The following PTK2 variants were observed in gnomAD, a reference collection of about 807,000 sequenced individuals.
PTK2 encodes focal adhesion kinase 1.
A neutral mutation model predicts 150.1 loss-of-function variants in PTK2; 45 were observed. The observed-to-expected ratio is 0.30, with a 90% CI of 0.24 to 0.38. PTK2 has a LOEUF of 0.38. Ranked by LOEUF, PTK2 falls within the 10% of genes least tolerant of loss-of-function variation. The probability of loss-of-function intolerance (pLI) is 1.00; values close to 1 mark genes in which losing one functional copy is unlikely to be tolerated. For missense variants in PTK2, 919 were observed against 1,307.3 expected, an observed-to-expected ratio of 0.70 and a Z score of 4.58; for synonymous variants, 432 against 449.2, an observed-to-expected ratio of 0.96 and a Z score of 0.48.
At chr8:140,810,007 G>T (rs114389741) in intron 10 of PTK2, among the ~76,000 whole-genome samples, 3 of 152,176 alleles carry the variant, frequency 2.0e-5, no homozygotes, top group Non-Finnish European at 2.9e-5. Context: ...ACAGAAGCTG[G>T]GCTGAAGGGG....
intron 14 of PTK2, among the ~76,000 whole-genome samples, chr8:140,784,743 T>C (rs1442629428): frequency 6.6e-6 from 1 of 152,220 alleles, no homozygotes; most frequent in Non-Finnish European, 1.5e-5. Context: ...AAAAGACTTC[T>C]ACAGGTTCTC....
chr8:140,906,710 A>C (rs959200419), intron 2 of PTK2, among the ~76,000 whole-genome samples: 10 of 152,162 alleles, frequency 6.6e-5, no homozygotes, highest in Admixed American at 6.5e-4. Flanking sequence ...GGGTACAAAA[A>C]TATAGTTAGA....
At chr8:140,730,359 C>T (rs1405407676) in intron 22 of PTK2, among the ~76,000 whole-genome samples, 1 of 152,172 alleles carries the variant, frequency 6.6e-6, no homozygotes, top group African/African-American at 2.4e-5. Context: ...TTGAGTATAA[C>T]TACACGAATA....
At chr8:140,664,207 C>G (rs990665126) in intron 31 of PTK2, among the ~76,000 whole-genome samples, 1 of 152,220 alleles carries the variant, frequency 6.6e-6, no homozygotes, top group African/African-American at 2.4e-5. Context: ...TGGTCTCGAT[C>G]TCTTGACCTC....
chr8:140,936,500 G>A (rs1275418913), intron 1 of PTK2, among the ~76,000 whole-genome samples: 2 of 151,982 alleles, frequency 1.3e-5, no homozygotes, highest in African/African-American at 4.8e-5. Context: ...CAAATATGGG[G>A]GCCTTCCTGA....
At chr8:140,880,017 C>A (rs891528218) in intron 3 of PTK2, among the ~76,000 whole-genome samples, 1 of 152,114 alleles carries the variant, frequency 6.6e-6, no homozygotes, top group African/African-American at 2.4e-5. Context: ...TTTCTAAGGT[C>A]CAGACCCAAG....
At chr8:140,813,688 A>G (rs1472732568) in intron 10 of PTK2, among the ~76,000 whole-genome samples, 2 of 152,220 alleles carry the variant, frequency 1.3e-5, no homozygotes, top group Non-Finnish European at 2.9e-5. Context: ...CCCACATCGA[A>G]AAGTTAGATC....
rs573729250 is a variant in PTK2 at position 140,838,907 on chromosome 8, G to C, written c.593+7353C>G. Among the ~76,000 whole-genome samples the C allele has an allele frequency of 2.0e-5, 3 of 151,842 alleles. No homozygotes were observed. The East Asian group carries it at 5.8e-4, about 30-fold the overall frequency. On this transcript the variant is annotated intron_variant, in intron 7 of 31. Transcript: ENST00000522684. ...TGTAGTCCCAGCTACTAAGGAGGCT[G>C]AGGCAGGAGAATGGTGTGAACCCAG...
chr8:140,697,416 TTG>T (rs34459077), intron 26 of PTK2, among the ~76,000 whole-genome samples: 27,812 of 145,436 alleles, frequency 0.19, 3,003 homozygotes, highest in African/African-American at 0.31. Flanking sequence ...AGAATACGGT[TTG>T]TGTGTGTGTG....
chr8:140,966,733 TC>T (rs1479412766), intron 1 of PTK2, among the ~76,000 whole-genome samples: 2 of 152,200 alleles, frequency 1.3e-5, no homozygotes, highest in African/African-American at 4.8e-5. Flanking sequence ...CTCCACATTC[TC>T]AACTCTGAAG....
chr8:140,893,495 A>G (rs145780012), intron 2 of PTK2, among the ~76,000 whole-genome samples: 46 of 152,348 alleles, frequency 3.0e-4, no homozygotes, highest in African/African-American at 1.1e-3. Context: ...ATGCCGCAAC[A>G]TGGAGGAACC....
At chr8:140,682,501 T>C (rs2100017633) in intron 27 of PTK2, among the ~76,000 whole-genome samples, 1 of 151,440 alleles carries the variant, frequency 6.6e-6, no homozygotes, top group South Asian at 2.1e-4. Context: ...CATATTTCTT[T>C]AGGTCACAAA....
chr8:140,958,113 C>T (rs1359251022), intron 1 of PTK2, among the ~76,000 whole-genome samples: 2 of 152,052 alleles, frequency 1.3e-5, no homozygotes, highest in Admixed American at 1.3e-4. Flanking sequence ...TCTTCTCCCA[C>T]TCTGTAATTT....
At chr8:140,687,319 C>T (rs963148635) in intron 26 of PTK2, among the ~76,000 whole-genome samples, 3 of 152,192 alleles carry the variant, frequency 2.0e-5, no homozygotes, top group Non-Finnish European at 4.4e-5. Flanking sequence ...ACCACAGTGG[C>T]TCCTGCCTCC....
intron 1 of PTK2, among the ~76,000 whole-genome samples, chr8:140,951,245 TTC>T (rs1586923650): frequency 2.0e-5 from 3 of 152,148 alleles, no homozygotes; most frequent in African/African-American, 7.2e-5. Flanking sequence ...CTTCCCAAAT[TTC>T]TGTCTTCCAA....
At chr8:140,922,363 T>C (rs13253989) in intron 2 of PTK2, among the ~76,000 whole-genome samples, 62,961 of 151,472 alleles carry the variant, frequency 0.42, 14,960 homozygotes, top group Non-Finnish European at 0.54. Flanking sequence ...CAGAAAAACA[T>C]GAGCAAGCTA....
intron 27 of PTK2, among the ~76,000 whole-genome samples, chr8:140,676,413 A>AATTAAT (rs1554666251): frequency 0.038 from 3,780 of 99,206 alleles, 61 homozygotes; most frequent in South Asian, 0.063. Context: ...TTAATTAATT[A>AATTAAT]ATATATATAT....
At chr8:140,925,055 T>A (rs1320972122) in intron 2 of PTK2, among the ~76,000 whole-genome samples, 1 of 152,192 alleles carries the variant, frequency 6.6e-6, no homozygotes, top group Non-Finnish European at 1.5e-5. Flanking sequence ...GTACTACTTG[T>A]AAATGTCACC....
intron 8 of PTK2, among the ~76,000 whole-genome samples, chr8:140,825,499 CTT>C (rs2100111286): frequency 6.6e-6 from 1 of 152,184 alleles, no homozygotes; most frequent in African/African-American, 2.4e-5. Flanking sequence ...CTATTGATCT[CTT>C]AACATTTCTA....
Sources: allele counts gnomAD v4.1 joint callset (sites outside exome capture counted in the v4.1 genomes callset), GRCh38; gene constraint gnomAD v4.1.1; transcripts MANE v1.5; gene names NCBI Gene and HGNC (gene_info 2026-07-23, HGNC 2026-07-21).